Variants in NEGR1 observed in about 807,000 individuals in gnomAD.
NEGR1 encodes IgLON family member 4.
NEGR1 carries 10 observed loss-of-function variants against 40.9 expected under a neutral mutation model. The observed-to-expected ratio is 0.24, with a 90% CI of 0.15 to 0.42. The LOEUF (loss-of-function observed/expected upper bound fraction) is 0.42. Among genes scored for constraint, NEGR1 ranks in the 10% least tolerant of loss-of-function variants. The pLI is 1.00. For missense variants in NEGR1, 352 were observed against 438.9 expected, an observed-to-expected ratio of 0.80 and a Z score of 1.77; for synonymous variants, 185 against 166.8, an observed-to-expected ratio of 1.11 and a Z score of -0.84.
At chr1:71,900,529 T>G (rs1302975142) in intron 2 of NEGR1, among the ~76,000 whole-genome samples, 2 of 152,176 alleles carry the variant, frequency 1.3e-5, no homozygotes, top group African/African-American at 4.8e-5. Context: ...CAAATCATCT[T>G]AATTGCCTTC....
intron 6 of NEGR1, among the ~76,000 whole-genome samples, chr1:71,592,199 C>A (rs1335596223): frequency 6.6e-6 from 1 of 151,966 alleles, no homozygotes; most frequent in Non-Finnish European, 1.5e-5. Context: ...AGCCTTTTAC[C>A]CGATCCTTGT....
chr1:71,733,527 A>G (rs2101667093), intron 3 of NEGR1, among the ~76,000 whole-genome samples: 1 of 152,274 alleles, frequency 6.6e-6, no homozygotes, highest in African/African-American at 2.4e-5. Flanking sequence ...ACTTGCCCAG[A>G]TTGAGTAGAA....
intron 6 of NEGR1, among the ~76,000 whole-genome samples, chr1:71,428,389 A>G (rs1469203591): frequency 6.6e-6 from 1 of 152,186 alleles, no homozygotes. Flanking sequence ...TTTCACACAA[A>G]TAAAAACTCA....
chr1:71,655,631 T>A (rs570234844), intron 4 of NEGR1, among the ~76,000 whole-genome samples: 1 of 152,256 alleles, frequency 6.6e-6, no homozygotes, highest in East Asian at 1.9e-4. Flanking sequence ...GAAGCACCAA[T>A]TCTTGTTTTG....
intron 1 of NEGR1, among the ~76,000 whole-genome samples, chr1:72,156,421 T>G (rs1651359069): frequency 6.6e-6 from 1 of 152,144 alleles, no homozygotes; most frequent in African/African-American, 2.4e-5. Flanking sequence ...TTGAAAGCAG[T>G]AGAAAGAATC....
chr1:72,018,512 G>T (rs1394650804), intron 1 of NEGR1, among the ~76,000 whole-genome samples: 4 of 152,136 alleles, frequency 2.6e-5, no homozygotes, highest in East Asian at 1.9e-4. Flanking sequence ...GACATCTCAG[G>T]TGATTCTAAT....
intron 2 of NEGR1, among the ~76,000 whole-genome samples, chr1:71,866,469 G>T (rs1277139862): frequency 6.6e-6 from 1 of 152,140 alleles, no homozygotes; most frequent in Non-Finnish European, 1.5e-5. Context: ...TTCAAAAAAT[G>T]ATAAAAGGCA....
At chr1:72,035,183 C>A (rs549377721) in intron 1 of NEGR1, among the ~76,000 whole-genome samples, 2 of 152,236 alleles carry the variant, frequency 1.3e-5, no homozygotes, top group East Asian at 1.9e-4. Flanking sequence ...TGTAGGAAAT[C>A]GATTGCATTC....
At chr1:71,905,131 G>A (rs1488456552) in intron 2 of NEGR1, among the ~76,000 whole-genome samples, 1 of 152,024 alleles carries the variant, frequency 6.6e-6, no homozygotes, top group African/African-American at 2.4e-5. Context: ...TGTTTTGGTT[G>A]AGATATCTGG....
chr1:72,121,471 C>T (rs1649802903), intron 1 of NEGR1, among the ~76,000 whole-genome samples: 1 of 151,914 alleles, frequency 6.6e-6, no homozygotes, highest in African/African-American at 2.4e-5. Context: ...ACTAAGCTTT[C>T]CCTAATGTCA....
chr1:71,822,741 G>A (rs574754323), intron 2 of NEGR1, among the ~76,000 whole-genome samples: 97 of 152,090 alleles, frequency 6.4e-4, no homozygotes, highest in African/African-American at 2.1e-3. Context: ...GCCTTGGCCA[G>A]TTCCACTATT....
At chr1:71,692,511 T>G (rs956206635) in intron 4 of NEGR1, among the ~76,000 whole-genome samples, 8 of 151,758 alleles carry the variant, frequency 5.3e-5, no homozygotes, top group African/African-American at 1.9e-4. Context: ...TTCAAGGTGA[T>G]GGCCATTTGT....
intron 1 of NEGR1, among the ~76,000 whole-genome samples, chr1:72,165,613 C>T (rs75295527): frequency 6.6e-6 from 1 of 152,078 alleles, no homozygotes; most frequent in South Asian, 2.1e-4. Flanking sequence ...TTCCTTCTCC[C>T]TTCTCATTCA....
intron 2 of NEGR1, among the ~76,000 whole-genome samples, chr1:71,910,517 A>C (rs909547074): frequency 3.9e-5 from 6 of 152,134 alleles, no homozygotes; most frequent in Admixed American, 6.6e-5. Flanking sequence ...GTGTAAATTT[A>C]AGTCCAGATA....
intron 6 of NEGR1, among the ~76,000 whole-genome samples, chr1:71,534,665 G>A (rs192992049): frequency 3.3e-4 from 50 of 151,770 alleles, no homozygotes; most frequent in Admixed American, 2.6e-3. Context: ...ACTACTTAAC[G>A]ATGTGAGAAT....
At chr1:71,733,522 C>T (rs1261888098) in intron 3 of NEGR1, among the ~76,000 whole-genome samples, 3 of 152,098 alleles carry the variant, frequency 2.0e-5, no homozygotes, top group Non-Finnish European at 4.4e-5. Flanking sequence ...ATGTCACTTG[C>T]CCAGATTGAG....
intron 4 of NEGR1, among the ~76,000 whole-genome samples, chr1:71,617,724 C>A (rs941729720): frequency 6.6e-6 from 1 of 152,124 alleles, no homozygotes; most frequent in African/African-American, 2.4e-5. Context: ...TTAAAATTAC[C>A]AACCAGGTTA....
At chr1:71,614,494 T>C (rs1230367785) in intron 4 of NEGR1, among the ~76,000 whole-genome samples, 1 of 152,228 alleles carries the variant, frequency 6.6e-6, no homozygotes, top group Non-Finnish European at 1.5e-5. Context: ...TCAATTATTA[T>C]GACACTGCTC....
rs117996835 is a variant in NEGR1 at position 71,633,851 on chromosome 1, A to T, written c.668-22705T>A. On this transcript the variant is annotated intron_variant, in intron 4 of 6. Transcript: ENST00000357731. ...AAAAGCACGCAGCCCATGTGGAGTTATTATCTTTTTTAGCCAAGGCTGTTG... is the reference window on the plus strand; with the variant it reads ...AAAAGCACGCAGCCCATGTGGAGTTTTTATCTTTTTTAGCCAAGGCTGTTG... Among the ~76,000 whole-genome samples the T allele has an allele frequency of 2.4e-3, 360 of 152,108 alleles. 6 individuals are homozygous for T. Among genetic ancestry groups the T allele is most frequent in the East Asian group, 0.018 (93 of 5,140 alleles).
Sources: allele counts gnomAD v4.1 joint callset (sites outside exome capture counted in the v4.1 genomes callset), GRCh38; gene constraint gnomAD v4.1.1; transcripts MANE v1.5; gene names NCBI Gene and HGNC (gene_info 2026-07-23, HGNC 2026-07-21).